Variants in KIDINS220 observed in about 807,000 individuals in gnomAD.
The protein encoded by KIDINS220 is kinase D interacting substrate 220, also known as kinase D-interacting substrate of 220 kDa.
In KIDINS220, 63 loss-of-function variants were observed where a neutral mutation model predicts 157.6. That is an observed-to-expected ratio of 0.40 (90% confidence interval 0.33 to 0.49). KIDINS220 has a LOEUF of 0.49. Ranked by LOEUF, KIDINS220 falls within the 20% of genes least tolerant of loss-of-function variation. The probability of loss-of-function intolerance (pLI) is 0.66; values close to 1 mark genes in which losing one functional copy is unlikely to be tolerated. For synonymous variants in KIDINS220, 732 were observed against 783.6 expected (o/e 0.93, Z 1.10); for missense variants, 1,772 against 2,171.2 (o/e 0.82, Z 3.65).
At chr2:8,827,568 T>C (rs1278625501) in intron 1 of KIDINS220, among the ~76,000 whole-genome samples, 1 of 152,218 alleles carries the variant, frequency 6.6e-6, no homozygotes, top group African/African-American at 2.4e-5. Context: ...ATCTGACTAC[T>C]ACTCACCACT....
At chr2:8,785,332 T>G (rs1279881660) in intron 17 of KIDINS220, among the ~76,000 whole-genome samples, 1 of 152,164 alleles carries the variant, frequency 6.6e-6, no homozygotes, top group African/African-American at 2.4e-5. Flanking sequence ...TATAAGACTA[T>G]AATGGTGGAT....
chr2:8,735,913 C>G (rs1346722988), intron 27 of KIDINS220, among the ~76,000 whole-genome samples: 2 of 152,180 alleles, frequency 1.3e-5, no homozygotes, highest in Admixed American at 1.3e-4. Context: ...ACAAAATCAT[C>G]ACAAAGGACT....
chr2:8,786,890 T>A (rs985041089), intron 15 of KIDINS220, among the ~76,000 whole-genome samples: 1 of 152,246 alleles, frequency 6.6e-6, no homozygotes. Context: ...GATTGAGAAA[T>A]AGTTGTAAAA....
intron 19 of KIDINS220, 70 bp from the exon 20 acceptor site, chr2:8,778,797 G>A (rs576793972): frequency 6.3e-7 from 1 of 1,590,076 alleles, no homozygotes; most frequent in Non-Finnish European, 8.6e-7. Context: ...AAAGAAATGT[G>A]AAACAACAAC....
intron 21 of KIDINS220, among the ~76,000 whole-genome samples, chr2:8,772,545 T>C (rs541716518): frequency 1.3e-4 from 20 of 152,140 alleles, no homozygotes; most frequent in African/African-American, 4.6e-4. Flanking sequence ...TAGCCTATAA[T>C]GAGTGAATAA....
At chr2:8,768,341 T>C (rs913343789) in intron 22 of KIDINS220, among the ~76,000 whole-genome samples, 3 of 152,040 alleles carry the variant, frequency 2.0e-5, no homozygotes, top group Non-Finnish European at 2.9e-5. Context: ...ATTAAAACCA[T>C]CTTGAATGAA....
At chr2:8,743,978 A>G (rs1008316164) in intron 26 of KIDINS220, among the ~76,000 whole-genome samples, 1 of 151,192 alleles carries the variant, frequency 6.6e-6, no homozygotes, top group African/African-American at 2.4e-5. Flanking sequence ...TCTCTATTAT[A>G]CAATTATTTT....
chr2:8,755,442 G>C (rs1401429473), intron 22 of KIDINS220, among the ~76,000 whole-genome samples: 2 of 152,196 alleles, frequency 1.3e-5, no homozygotes, highest in African/African-American at 4.8e-5. Flanking sequence ...TTCCACCACT[G>C]TATCTCCAGT....
At chr2:8,799,273 A>AT (rs57115595) in intron 9 of KIDINS220, among the ~76,000 whole-genome samples, 3,798 of 146,774 alleles carry the variant, frequency 0.026, 166 homozygotes, top group African/African-American at 0.091. Context: ...TTCCTTTTCT[A>AT]TTTTTTTTTT....
At chr2:8,782,649 G>C (rs1419986848) in intron 17 of KIDINS220, among the ~76,000 whole-genome samples, 1 of 152,116 alleles carries the variant, frequency 6.6e-6, no homozygotes, top group Non-Finnish European at 1.5e-5. Context: ...CAGAAGCAAA[G>C]GGAATGCTTC....
intron 2 of KIDINS220, among the ~76,000 whole-genome samples, chr2:8,822,529 G>A (rs1226335203): frequency 6.6e-6 from 1 of 152,188 alleles, no homozygotes; most frequent in East Asian, 1.9e-4. Flanking sequence ...TCAGGTGGCT[G>A]AGATGGAAGG....
At chr2:8,777,861 T>C (rs1013320005) in intron 20 of KIDINS220, among the ~76,000 whole-genome samples, 2 of 152,206 alleles carry the variant, frequency 1.3e-5, no homozygotes, top group Non-Finnish European at 2.9e-5. Flanking sequence ...CTGAATTTAG[T>C]GCTGTCAACT....
At chr2:8,823,961 T>G (rs1678379309) in intron 2 of KIDINS220, among the ~76,000 whole-genome samples, 1 of 151,172 alleles carries the variant, frequency 6.6e-6, no homozygotes, top group Admixed American at 6.6e-5. Context: ...TAAATAAATT[T>G]TATTCTGAAG....
At chr2:8,824,078 G>A (rs1486183140) in intron 2 of KIDINS220, among the ~76,000 whole-genome samples, 2 of 151,788 alleles carry the variant, frequency 1.3e-5, no homozygotes. Flanking sequence ...ATAGGAAACT[G>A]AGGAATTCAG....
chr2:8,804,868 A>T (rs1450557001), intron 7 of KIDINS220, among the ~76,000 whole-genome samples: 1 of 152,158 alleles, frequency 6.6e-6, no homozygotes, highest in Non-Finnish European at 1.5e-5. Context: ...CTCCAACTCA[A>T]TTCTGACACT....
intron 1 of KIDINS220, among the ~76,000 whole-genome samples, chr2:8,832,554 G>C (rs1271323867): frequency 6.6e-6 from 1 of 152,124 alleles, no homozygotes; most frequent in Non-Finnish European, 1.5e-5. Flanking sequence ...AGTGTGGAAG[G>C]ACACACACCT....
intron 26 of KIDINS220, among the ~76,000 whole-genome samples, chr2:8,742,128 C>CT (rs939537839): frequency 2.3e-4 from 35 of 149,156 alleles, no homozygotes; most frequent in East Asian, 1.8e-3. Context: ...GTGAGCCCCA[C>CT]TTTTTTTTTT....
At chr2:8,824,048 T>C (rs1039338886) in intron 2 of KIDINS220, among the ~76,000 whole-genome samples, 3 of 151,864 alleles carry the variant, frequency 2.0e-5, no homozygotes, top group Admixed American at 6.6e-5. Context: ...AAATATGGAC[T>C]CTACCAAATA....
intron 26 of KIDINS220, among the ~76,000 whole-genome samples, chr2:8,740,976 T>C (rs1665541142): frequency 1.3e-5 from 2 of 152,252 alleles, no homozygotes; most frequent in Admixed American, 1.3e-4. Context: ...TGACGTTTGA[T>C]GTCTTTCTTT....
Sources: allele counts gnomAD v4.1 joint callset (sites outside exome capture counted in the v4.1 genomes callset), GRCh38; gene constraint gnomAD v4.1.1; transcripts MANE v1.5; gene names NCBI Gene and HGNC (gene_info 2026-07-23, HGNC 2026-07-21).